The following CORO7 variants were observed in gnomAD, a reference collection of about 807,000 sequenced individuals.
The protein encoded by CORO7 is coronin 7.
Under a neutral mutation model 126.6 loss-of-function variants are expected in CORO7, and 107 were observed. That is an observed-to-expected ratio of 0.85 (90% CI 0.72 to 0.99). CORO7 has a LOEUF of 0.99. Among genes scored for constraint, CORO7 ranks in the 50% least tolerant of loss-of-function variants. The pLI is 0.00. For missense variants in CORO7, 1,314 were observed against 1,255.8 expected (o/e 1.05, Z -0.70); for synonymous variants, 603 against 536.8 (o/e 1.12, Z -1.70).
At chr16:4,410,157 G>A (rs770346694) in intron 3 of CORO7, among the ~76,000 whole-genome samples, 1 of 152,196 alleles carries the variant, frequency 6.6e-6, no homozygotes, top group African/African-American at 2.4e-5. Context: ...AGGTACATTG[G>A]CTCATGCCTA....
intron 21 of CORO7, 25 bp from the exon 22 acceptor site, chr16:4,359,646 G>T: frequency 1.3e-6 from 2 of 1,572,520 alleles, no homozygotes; most frequent in South Asian, 2.4e-5. Context: ...GGGGGCTGAA[G>T]CAGGTGTTTC....
In CORO7 at chr16:4,354,991, TG is replaced by T; in HGVS notation, c.*166del. The T allele has an allele frequency of 1.5e-6, 1 of 667,982 alleles. No individual in the cohort carries two copies. The highest frequency in any genetic ancestry group is 2.3e-6 in the Non-Finnish European group (1 of 427,922). 41.4% of individuals were successfully genotyped at this position (667,982 alleles called of 1,614,324 possible). On this transcript the variant is annotated 3_prime_UTR_variant, in exon 28 of 28. Transcript: ENST00000251166. ...AGACAGCAGAGGTGAAAACAGTCCC[TG>T]GGAACTGCCAGAGGCCCAGAGGATG...
intron 9 of CORO7, among the ~76,000 whole-genome samples, chr16:4,370,639 G>A (rs2054490915): frequency 6.6e-6 from 1 of 152,238 alleles, no homozygotes; most frequent in African/African-American, 2.4e-5. Context: ...AAGGGGCCCT[G>A]TGGGGAGAGG....
intron 9 of CORO7, chr16:4,382,052 C>T (rs202109996): frequency 1.3e-5 from 21 of 1,591,940 alleles, no homozygotes; most frequent in East Asian, 1.1e-4. Flanking sequence ...GCCCCCAGCC[C>T]GCCCTCCACT....
rs371214797 is a variant in CORO7 at position 4,384,296 on chromosome 16, G to A, written c.785+3690C>T. ...CTTTCTGGAAACCCTAGAAGTGGGA[G>A]CATTTTCCAGGAAGGCTGCATGCTG... On this transcript the variant is annotated intron_variant, in intron 9 of 27. Coordinates refer to ENST00000251166, the MANE Select transcript of CORO7 (RefSeq NM_024535.5). Among the ~76,000 whole-genome samples, 45 of 152,350 alleles carry A rather than the reference G, an allele frequency of 3.0e-4. No homozygotes were observed. The East Asian group carries it at 3.9e-3, about 13-fold the overall frequency.
At position 4,360,925 on chromosome 16, in the gene CORO7, C is replaced by T. The variant is rs1165733718; in HGVS notation, c.1917+18G>A. 1 of 1,607,718 alleles carries T rather than the reference C, an allele frequency of 6.2e-7. No individual in the cohort carries two copies. Among genetic ancestry groups the T allele is most frequent in the Non-Finnish European group, 8.5e-7 (1 of 1,179,676 alleles). On this transcript the variant is annotated intron_variant, in intron 19 of 27. Coordinates refer to ENST00000251166, the MANE Select transcript of CORO7 (RefSeq NM_024535.5). ...CCGCCTCTCCACACTGCTGGCCCCA[C>T]CTCTGCAGCCGTCCTACCTGGTCTT...
At chr16:4,388,379 C>A (rs1366395623) in intron 8 of CORO7, among the ~76,000 whole-genome samples, 166 bp downstream of exon 8, 1 of 152,162 alleles carries the variant, frequency 6.6e-6, no homozygotes, top group Non-Finnish European at 1.5e-5. Flanking sequence ...TTTCAGCAGC[C>A]GTCAGTCCCC....
chr16:4,402,735 G>A (rs2055856792), intron 6 of CORO7, among the ~76,000 whole-genome samples: 1 of 152,226 alleles, frequency 6.6e-6, no homozygotes, highest in Admixed American at 6.5e-5. Context: ...GCTCAGCGGA[G>A]AGGAACTGGG....
chr16:4,357,069 G>A, intron 26 of CORO7, 99 bp downstream of exon 26: 4 of 1,460,252 alleles, frequency 2.7e-6, no homozygotes, highest in Non-Finnish European at 3.8e-6. Flanking sequence ...ACATGTGGCT[G>A]CTGTCCCAGT....
Position 4,403,436 on chromosome 16 carries a change from C to G in CORO7, c.564+2055G>C, listed in dbSNP as rs114170216. On this transcript the variant is annotated intron_variant, in intron 6 of 27. Coordinates refer to ENST00000251166, the MANE Select transcript of CORO7 (RefSeq NM_024535.5). Reference sequence around the variant, plus strand: ...CGGCTTGGAGGCAATGCTGCGTCCCCGCAGGCGGAATTCCTAGGTCCAGGA... The same window carrying G: ...CGGCTTGGAGGCAATGCTGCGTCCCGGCAGGCGGAATTCCTAGGTCCAGGA... Among the ~76,000 whole-genome samples, 1,060 of 152,242 alleles carry G rather than the reference C, an allele frequency of 7.0e-3. 13 individuals are homozygous for G. Among genetic ancestry groups the G allele is most frequent in the African/African-American group, 0.025 (1,023 of 41,524 alleles).
At chr16:4,415,984 C>G in intron 1 of CORO7, 1 of 658,610 alleles carries the variant, frequency 1.5e-6, no homozygotes, top group Non-Finnish European at 1.9e-6. Flanking sequence ...CCCTCCCCAC[C>G]ACTGACACAC....
At chr16:4,365,607 C>G in intron 9 of CORO7, 62 bp from the exon 10 acceptor site, 1 of 1,547,810 alleles carries the variant, frequency 6.5e-7, no homozygotes, top group South Asian at 1.2e-5. Context: ...ACTCGTAACC[C>G]CATGTAGGAG....
intron 6 of CORO7, among the ~76,000 whole-genome samples, chr16:4,404,774 A>AC (rs2055935205): frequency 6.6e-6 from 1 of 152,030 alleles, no homozygotes; most frequent in African/African-American, 2.4e-5. Flanking sequence ...CCGGCAGAGA[A>AC]CAGCTCTCAC....
At chr16:4,411,653 A>G (rs1247596452) in intron 3 of CORO7, among the ~76,000 whole-genome samples, 1 of 152,040 alleles carries the variant, frequency 6.6e-6, no homozygotes, top group East Asian at 1.9e-4. Flanking sequence ...CATCATTATC[A>G]TATCAGAACC....
At chr16:4,393,313 C>T (rs1301461512) in intron 7 of CORO7, among the ~76,000 whole-genome samples, 1 of 152,186 alleles carries the variant, frequency 6.6e-6, no homozygotes, top group African/African-American at 2.4e-5. Flanking sequence ...TCAAAGAAAG[C>T]TACCTAGTGA....
rs192944129 is a variant in CORO7 at position 4,406,279 on chromosome 16, C to T, written c.488-712G>A. ...CCTCCCAAAGTGCTGGGATCACAGGCATGAGCCACCGTGCCCGGCCTATTA... is the reference window on the plus strand; with the variant it reads ...CCTCCCAAAGTGCTGGGATCACAGGTATGAGCCACCGTGCCCGGCCTATTA... On this transcript the variant is annotated intron_variant, in intron 5 of 27. Transcript: ENST00000251166. 3.7e-4 allele frequency among the ~76,000 whole-genome samples: 56 copies of T among 152,120 alleles called. No homozygotes were observed. In the East Asian group the frequency reaches 0.01, roughly 27 times the overall value.
At chr16:4,356,806 AG>A (rs2053991003) in intron 26 of CORO7, 1 of 263,626 alleles carries the variant, frequency 3.8e-6, no homozygotes, top group Non-Finnish European at 7.4e-6. Context: ...AAGAAGAGAC[AG>A]GGGGAGTAAG....
Position 4,364,313 on chromosome 16 carries a change from G to A in CORO7, c.1238C>T (p.Ala413Val), listed in dbSNP as rs1233628214. The change falls in exon 14 of 28, where the codon GCG (alanine) becomes GTG (valine). Residue 413 changes from alanine to valine, a missense_variant. Ala to Val is a moderately conservative substitution (Grantham distance 64, BLOSUM62 0). Transcript: ENST00000251166. ...ATCACCCACGGGTGTCTCCATCACCGCAGGCTGGGCTGTGTCAGGGAGGGG... is the reference window on the plus strand; with the variant it reads ...ATCACCCACGGGTGTCTCCATCACCACAGGCTGGGCTGTGTCAGGGAGGGG... ...AEPLPDTAQPAVMETPVGDAD... is the reference protein window; with the variant it reads ...AEPLPDTAQPVVMETPVGDAD... The A allele has an allele frequency of 7.1e-6, 11 of 1,543,892 alleles. No homozygotes were observed. Among genetic ancestry groups the A allele is most frequent in the Non-Finnish European group, 7.8e-6 (9 of 1,149,242 alleles).
chr16:4,358,228 C>T (rs973118957), intron 24 of CORO7, 125 bp from the exon 25 acceptor site: 1 of 1,531,606 alleles, frequency 6.5e-7, no homozygotes, highest in Non-Finnish European at 8.8e-7. Flanking sequence ...CCATGAGTTT[C>T]AGCATCTCAG....
Sources: allele counts gnomAD v4.1 joint callset (sites outside exome capture counted in the v4.1 genomes callset), GRCh38; gene constraint gnomAD v4.1.1; transcripts MANE v1.5; gene names NCBI Gene and HGNC (gene_info 2026-07-23, HGNC 2026-07-21).